The following HIVEP3 variants were observed in gnomAD, a reference collection of about 807,000 sequenced individuals.
HIVEP3 encodes the protein transcription factor HIVEP3.
A neutral mutation model predicts 152.8 loss-of-function variants in HIVEP3; 49 were observed. That is an observed-to-expected ratio of 0.32 (90% CI 0.26 to 0.41). The LOEUF (loss-of-function observed/expected upper bound fraction) is 0.41. Ranked by LOEUF, HIVEP3 falls within the 10% of genes least tolerant of loss-of-function variation. The probability of loss-of-function intolerance (pLI) is 1.00; values close to 1 mark genes in which losing one functional copy is unlikely to be tolerated. For synonymous variants in HIVEP3, 1,269 were observed against 1,289.0 expected (o/e 0.98, Z 0.33); for missense variants, 2,790 against 3,103.3 (o/e 0.90, Z 2.40).
At chr1:41,525,183 G>A (rs558018351) in intron 5 of HIVEP3, among the ~76,000 whole-genome samples, 2 of 152,324 alleles carry the variant, frequency 1.3e-5, no homozygotes, top group African/African-American at 4.8e-5. Context: ...GAGGGGATGT[G>A]GAGCTGCAGG....
intron 1 of HIVEP3, among the ~76,000 whole-genome samples, chr1:41,705,163 C>T (rs112128952): frequency 0.015 from 2,237 of 152,320 alleles, 57 homozygotes; most frequent in African/African-American, 0.051. Context: ...GGCAAGAGAA[C>T]GTGTCCAGGC....
At chr1:41,849,109 G>A (rs1379103843) in intron 1 of HIVEP3, 3 of 152,318 alleles carry the variant, frequency 2.0e-5, no homozygotes, top group African/African-American at 7.2e-5. Flanking sequence ...ACAGGAAGGG[G>A]AAACACGGGG....
At chr1:41,527,953 C>T (rs1268323245) in intron 5 of HIVEP3, among the ~76,000 whole-genome samples, 4 of 142,440 alleles carry the variant, frequency 2.8e-5, no homozygotes. Flanking sequence ...CTCACACATG[C>T]ACCCCACACC....
At chr1:41,715,352 G>A (rs796255944) in intron 1 of HIVEP3, among the ~76,000 whole-genome samples, 3 of 152,278 alleles carry the variant, frequency 2.0e-5, no homozygotes, top group African/African-American at 4.8e-5. Flanking sequence ...ACTCCCTGAC[G>A]TGTCCTGGTG....
intron 2 of HIVEP3, among the ~76,000 whole-genome samples, chr1:41,639,345 T>C (rs546826470): frequency 3.0e-4 from 46 of 152,260 alleles, no homozygotes; most frequent in Non-Finnish European, 5.4e-4. Context: ...TGGTATAGCA[T>C]AGCGAGTTGG....
intron 2 of HIVEP3, among the ~76,000 whole-genome samples, chr1:41,677,400 C>A (rs1194590166): frequency 6.6e-6 from 1 of 152,258 alleles, no homozygotes; most frequent in Non-Finnish European, 1.5e-5. Context: ...GAGCTCTAAT[C>A]TTAGCTCTGC....
intron 1 of HIVEP3, among the ~76,000 whole-genome samples, chr1:41,765,858 T>C (rs1315355828): frequency 6.6e-6 from 1 of 152,194 alleles, no homozygotes; most frequent in Non-Finnish European, 1.5e-5. Context: ...CCTCAGGCAG[T>C]AGGGACTTCA....
intron 1 of HIVEP3, among the ~76,000 whole-genome samples, chr1:42,009,828 AT>A (rs1645482903): frequency 6.6e-6 from 1 of 152,042 alleles, no homozygotes; most frequent in South Asian, 2.1e-4. Context: ...AAACTATTAT[AT>A]TGTCTTTTTA....
At chr1:41,529,887 A>G (rs1034610677) in intron 5 of HIVEP3, among the ~76,000 whole-genome samples, 1 of 127,126 alleles carries the variant, frequency 7.9e-6, no homozygotes, top group Non-Finnish European at 1.6e-5. Flanking sequence ...CCACTGATGC[A>G]TACTCCCACA....
intron 1 of HIVEP3, among the ~76,000 whole-genome samples, chr1:41,706,640 T>G (rs1646437949): frequency 6.6e-6 from 1 of 152,196 alleles, no homozygotes; most frequent in South Asian, 2.1e-4. Flanking sequence ...GGCGTATTAG[T>G]GGCCACAGTA....
At chr1:41,587,269 T>C (rs1438432868) in intron 3 of HIVEP3, among the ~76,000 whole-genome samples, 1 of 152,208 alleles carries the variant, frequency 6.6e-6, no homozygotes, top group Non-Finnish European at 1.5e-5. Context: ...ATACAGTGAT[T>C]GATATTTGTC....
intron 1 of HIVEP3, among the ~76,000 whole-genome samples, chr1:42,017,192 A>T (rs1645528226): frequency 6.6e-6 from 1 of 151,502 alleles, no homozygotes; most frequent in Non-Finnish European, 1.5e-5. Flanking sequence ...CTGAGATTAT[A>T]AAAAAAAAGT....
chr1:41,954,079 C>T (rs569078949), intron 1 of HIVEP3, among the ~76,000 whole-genome samples: 48 of 152,280 alleles, frequency 3.2e-4, no homozygotes, highest in Admixed American at 9.8e-4. Flanking sequence ...AAAAGGACTG[C>T]GCAGGGCCCA....
intron 1 of HIVEP3, among the ~76,000 whole-genome samples, chr1:41,972,342 C>T (rs1024023067): frequency 6.6e-6 from 1 of 152,162 alleles, no homozygotes; most frequent in South Asian, 2.1e-4. Context: ...TGTGGTCTTC[C>T]AGGGTCCAGG....
At chr1:41,888,187 C>G (rs1330414323) in intron 1 of HIVEP3, among the ~76,000 whole-genome samples, 1 of 150,786 alleles carries the variant, frequency 6.6e-6, no homozygotes, top group African/African-American at 2.4e-5. Context: ...AGGCACCCAC[C>G]ACCACGCCCG....
chr1:41,702,837 A>G (rs1398060160), intron 1 of HIVEP3, among the ~76,000 whole-genome samples: 1 of 152,234 alleles, frequency 6.6e-6, no homozygotes, highest in Non-Finnish European at 1.5e-5. Flanking sequence ...TCAAGGGTAA[A>G]GAGCCTTGTC....
At chr1:41,838,981 T>G (rs1643207166) in intron 1 of HIVEP3, among the ~76,000 whole-genome samples, 1 of 152,210 alleles carries the variant, frequency 6.6e-6, no homozygotes, top group South Asian at 2.1e-4. Context: ...CCAAATTATC[T>G]TCTTTCAAGA....
At chr1:41,536,341 C>G (rs1643400267) in intron 5 of HIVEP3, among the ~76,000 whole-genome samples, 1 of 152,136 alleles carries the variant, frequency 6.6e-6, no homozygotes, top group Non-Finnish European at 1.5e-5. Flanking sequence ...CAGGACACGT[C>G]CAGCACACCG....
chr1:41,625,280 AATG>A (rs1449260715), intron 3 of HIVEP3, among the ~76,000 whole-genome samples: 2 of 152,204 alleles, frequency 1.3e-5, no homozygotes, highest in Non-Finnish European at 2.9e-5. Flanking sequence ...CAAGCAATAC[AATG>A]ATGATCTAGG....
Sources: allele counts gnomAD v4.1 joint callset (sites outside exome capture counted in the v4.1 genomes callset), GRCh38; gene constraint gnomAD v4.1.1; transcripts MANE v1.5; gene names NCBI Gene and HGNC (gene_info 2026-07-23, HGNC 2026-07-21).